Variants in CUX2 observed in about 807,000 individuals in gnomAD.
CUX2 encodes homeobox protein cut-like 2.
CUX2 carries 40 observed loss-of-function variants against 144.8 expected under a neutral mutation model. The observed-to-expected ratio is 0.28, with a 90% confidence interval of 0.21 to 0.36. CUX2 has a LOEUF of 0.36. Among genes scored for constraint, CUX2 ranks in the 10% least tolerant of loss-of-function variants. The pLI is 1.00. For synonymous variants in CUX2, 827 were observed against 875.6 expected (o/e 0.94, Z 0.98); for missense variants, 1,615 against 1,994.0 (o/e 0.81, Z 3.62).
At chr12:111,321,312 T>C (rs138542002) in intron 17 of CUX2, among the ~76,000 whole-genome samples, 5,071 of 151,920 alleles carry the variant, frequency 0.033, 129 homozygotes, top group African/African-American at 0.057. Context: ...ACTAAAAATA[T>C]AAAAATTAGC....
intron 1 of CUX2, among the ~76,000 whole-genome samples, chr12:111,117,630 C>T (rs1236255717): frequency 6.6e-6 from 1 of 152,216 alleles, no homozygotes; most frequent in African/African-American, 2.4e-5. Flanking sequence ...CTACAACAGA[C>T]CTCCAAGATG....
intron 4 of CUX2, among the ~76,000 whole-genome samples, chr12:111,269,993 C>T (rs3809282): frequency 0.028 from 4,311 of 152,224 alleles, 217 homozygotes; most frequent in East Asian, 0.22. Context: ...AATTCATTTT[C>T]GAGACATTTA....
intron 3 of CUX2, among the ~76,000 whole-genome samples, chr12:111,242,347 A>G (rs76743515): frequency 0.022 from 3,346 of 152,330 alleles, 135 homozygotes; most frequent in African/African-American, 0.076. Flanking sequence ...CGTGGGCCAA[A>G]TAAAGTTTTA....
intron 1 of CUX2, among the ~76,000 whole-genome samples, chr12:111,094,193 T>C (rs957752938): frequency 3.9e-5 from 6 of 152,336 alleles, no homozygotes; most frequent in Admixed American, 1.3e-4. Context: ...ACGAGGTATT[T>C]GAAGCTAAGC....
rs1331498190 is a variant in CUX2 at position 111,310,157 on chromosome 12, C to A, written c.1375C>A (p.Pro459Thr). The A allele has an allele frequency of 6.4e-7, 1 of 1,550,766 alleles. No homozygotes were observed. The highest frequency in any genetic ancestry group is 8.7e-7 in the Non-Finnish European group (1 of 1,150,042). Residue 459 changes from proline (P) to threonine (T), a missense_variant, in exon 15 of 22, where the codon CCC becomes ACC. By Grantham distance (38) the Pro-to-Thr change is conservative. This residue lies in a region of CUX2 where 154 missense variants were observed against 148.4 expected (regional missense o/e 1.04). Coordinates refer to ENST00000261726, the MANE Select transcript of CUX2 (RefSeq NM_015267.4). This position sits in a 1 kb window ranked among gnomAD's most constrained non-coding sequence, Gnocchi z 7.9. ...PGPEDPLSPSPGQPLLGPSLG... is the reference protein window; with the variant it reads ...PGPEDPLSPSTGQPLLGPSLG... ...GCCAGAAGACCCCCTGTCTCCCAGC[C>A]CCGGGCAGCCCCTGCTGGGCCCCAG...
At chr12:111,218,968 T>C (rs1881701628) in intron 3 of CUX2, among the ~76,000 whole-genome samples, 1 of 147,968 alleles carries the variant, frequency 6.8e-6, no homozygotes, top group African/African-American at 2.5e-5. Flanking sequence ...ACTGGAATCA[T>C]GTGGGTCCAG....
intron 3 of CUX2, among the ~76,000 whole-genome samples, chr12:111,221,628 A>C (rs897270309): frequency 2.0e-5 from 3 of 152,044 alleles, no homozygotes; most frequent in Non-Finnish European, 2.9e-5. Context: ...GAAATATACC[A>C]TGTTCAGTTT....
intron 1 of CUX2, among the ~76,000 whole-genome samples, chr12:111,036,615 A>G (rs1869462385): frequency 6.6e-6 from 1 of 150,400 alleles, no homozygotes. Context: ...CTCCCAGCCT[A>G]CAGGGTGTAT....
At chr12:111,135,921 A>G (rs568869958) in intron 1 of CUX2, among the ~76,000 whole-genome samples, 1 of 152,202 alleles carries the variant, frequency 6.6e-6, no homozygotes, top group Non-Finnish European at 1.5e-5. Context: ...TTGTGAATGT[A>G]CTAATAAGTG....
chr12:111,165,789 C>T (rs1878101593), intron 1 of CUX2, among the ~76,000 whole-genome samples: 1 of 152,142 alleles, frequency 6.6e-6, no homozygotes, highest in Admixed American at 6.5e-5. Context: ...GGAAAATGTA[C>T]ACCATGGAAA....
At chr12:111,184,021 A>G (rs1366568636) in intron 1 of CUX2, among the ~76,000 whole-genome samples, 1 of 152,002 alleles carries the variant, frequency 6.6e-6, no homozygotes, top group Non-Finnish European at 1.5e-5. Flanking sequence ...TCCCTTTTAC[A>G]TCCTCGACAT....
chr12:111,285,850 T>C (rs1885353368), intron 4 of CUX2, among the ~76,000 whole-genome samples: 1 of 152,182 alleles, frequency 6.6e-6, no homozygotes, highest in African/African-American at 2.4e-5. Flanking sequence ...CGCCACCTTC[T>C]CCCTCAAGTT....
intron 1 of CUX2, among the ~76,000 whole-genome samples, chr12:111,194,601 C>T (rs114666944): frequency 1.3e-3 from 202 of 152,326 alleles, no homozygotes; most frequent in African/African-American, 4.2e-3. Flanking sequence ...GTAGCAGGGA[C>T]GCTGGTCTTT....
chr12:111,230,419 G>A (rs1384130972), intron 3 of CUX2, among the ~76,000 whole-genome samples: 4 of 152,148 alleles, frequency 2.6e-5, no homozygotes, highest in African/African-American at 9.7e-5. Context: ...CCTTAGAAGT[G>A]CAGTCTCCAT....
intron 16 of CUX2, among the ~76,000 whole-genome samples, chr12:111,313,414 C>T (rs995232999): frequency 1.3e-5 from 2 of 150,828 alleles, no homozygotes; most frequent in East Asian, 2.0e-4. Context: ...CCGAGGCGGG[C>T]GGATCACCTG....
At chr12:111,066,228 CT>C (rs1871014040) in intron 1 of CUX2, among the ~76,000 whole-genome samples, 1 of 152,152 alleles carries the variant, frequency 6.6e-6, no homozygotes, top group South Asian at 2.1e-4. Flanking sequence ...AGTTTTGGCC[CT>C]TGGGAATTTC....
At chr12:111,323,934 G>A (rs1216948910) in intron 18 of CUX2, among the ~76,000 whole-genome samples, 7 of 152,170 alleles carry the variant, frequency 4.6e-5, no homozygotes, top group Non-Finnish European at 1.0e-4. Context: ...GTGCCTGTAA[G>A]GGTGAGGCAG....
chr12:111,217,432 G>A (rs1405153587), intron 2 of CUX2, among the ~76,000 whole-genome samples: 6 of 152,108 alleles, frequency 3.9e-5, no homozygotes, highest in Non-Finnish European at 7.3e-5. Context: ...AGGCAGCCCC[G>A]GGCGACACCT....
At chr12:111,339,229 CA>C (rs566439866) in intron 20 of CUX2, among the ~76,000 whole-genome samples, 114 of 142,200 alleles carry the variant, frequency 8.0e-4, no homozygotes, top group Admixed American at 2.3e-3. Flanking sequence ...GACTCTGTCT[CA>C]AAAAAAAAAA....
Sources: allele counts gnomAD v4.1 joint callset (sites outside exome capture counted in the v4.1 genomes callset), GRCh38; gene constraint gnomAD v4.1.1; regional missense constraint gnomAD v4.1.1; non-coding constraint Gnocchi (gnomAD v3.1); transcripts MANE v1.5; gene names NCBI Gene and HGNC (gene_info 2026-07-23, HGNC 2026-07-21).